ANKFY1: variants seen among roughly 807,000 people sequenced by gnomAD.
The protein encoded by ANKFY1 is ankyrin repeat and FYVE domain containing 1.
In ANKFY1, 47 loss-of-function variants were observed where a neutral mutation model predicts 128.3. That is an observed-to-expected ratio of 0.37 (90% CI 0.29 to 0.47). The LOEUF is 0.47. ANKFY1 is among the 20% of genes least tolerant of loss of function. The pLI is 1.00. For synonymous variants in ANKFY1, 553 were observed against 601.6 expected, an observed-to-expected ratio of 0.92 and a Z score of 1.18; for missense variants, 1,222 against 1,510.6, an observed-to-expected ratio of 0.81 and a Z score of 3.17.
chr17:4,236,170 C>T (rs958747622), intron 2 of ANKFY1, among the ~76,000 whole-genome samples: 3 of 152,066 alleles, frequency 2.0e-5, no homozygotes, highest in African/African-American at 7.2e-5. Flanking sequence ...GGTGGTGAAC[C>T]TACAAGTTAA....
At chr17:4,171,186 T>C (rs1456571435) in intron 22 of ANKFY1, among the ~76,000 whole-genome samples, 4 of 152,250 alleles carry the variant, frequency 2.6e-5, no homozygotes, top group African/African-American at 9.6e-5. Flanking sequence ...GGGAATCATC[T>C]ACTGTGGTCT....
At chr17:4,168,071 A>G (rs907251545) in intron 24 of ANKFY1, 160 bp from the exon 25 acceptor site, 1 of 706,770 alleles carries the variant, frequency 1.4e-6, no homozygotes, top group African/African-American at 1.8e-5. Flanking sequence ...ATTCATGTAG[A>G]ATTTTTAGTC....
chr17:4,232,398 C>A (rs750097756), intron 3 of ANKFY1, among the ~76,000 whole-genome samples: 1 of 152,142 alleles, frequency 6.6e-6, no homozygotes, highest in Non-Finnish European at 1.5e-5. Flanking sequence ...CAGGAACAGG[C>A]CCACACATGC....
At chr17:4,250,841 C>T (rs1023031888) in intron 1 of ANKFY1, among the ~76,000 whole-genome samples, 17 of 152,088 alleles carry the variant, frequency 1.1e-4, no homozygotes, top group Non-Finnish European at 1.9e-4. Context: ...CAGTATGGCG[C>T]CCAAGCTGGT....
intron 2 of ANKFY1, among the ~76,000 whole-genome samples, chr17:4,239,730 G>C (rs75773270): frequency 6.6e-6 from 1 of 151,934 alleles, no homozygotes; most frequent in Admixed American, 6.6e-5. Flanking sequence ...GTACAGACGG[G>C]GTTTCCTCAT....
intron 5 of ANKFY1, among the ~76,000 whole-genome samples, chr17:4,208,694 C>T (rs2060070210): frequency 6.6e-6 from 1 of 152,318 alleles, no homozygotes; most frequent in South Asian, 2.1e-4. Flanking sequence ...CCAAACAATT[C>T]GCAGAAACTA....
At chr17:4,252,790 G>A (rs773067669) in intron 1 of ANKFY1, among the ~76,000 whole-genome samples, 6 of 152,106 alleles carry the variant, frequency 3.9e-5, no homozygotes, top group African/African-American at 4.8e-5. Context: ...GGAAACAACC[G>A]GAATGTCCAG....
chr17:4,178,784 G>A lies in ANKFY1; in HGVS notation c.2598+73C>T. On this transcript the variant is annotated intron_variant, in intron 18 of 24. Transcript: ENST00000341657. This position sits in a 1 kb window ranked among gnomAD's most constrained non-coding sequence, Gnocchi z 4.1. ...TTCCATGAGGAGACCTGTTTAGTCG[G>A]TGACATCTGTCTAGTCTCCAGGTTC... 2.8e-6 allele frequency: 4 copies of A among 1,428,990 alleles called. No homozygotes were observed. Among genetic ancestry groups the A allele is most frequent in the Non-Finnish European group, 3.9e-6 (4 of 1,021,412 alleles). 88.5% of individuals were successfully genotyped at this position (1,428,990 alleles called of 1,614,324 possible).
intron 10 of ANKFY1, among the ~76,000 whole-genome samples, 199 bp from the exon 11 acceptor site, chr17:4,189,678 A>C (rs1364789723): frequency 2.6e-5 from 4 of 150,974 alleles, no homozygotes; most frequent in Non-Finnish European, 5.9e-5. Context: ...CCCACACCAG[A>C]CAGTAGGCCC....
intron 3 of ANKFY1, among the ~76,000 whole-genome samples, chr17:4,234,454 A>C (rs1192204226): frequency 2.0e-5 from 3 of 152,204 alleles, no homozygotes; most frequent in African/African-American, 7.2e-5. Flanking sequence ...CTACACAAAA[A>C]AATGTGACAT....
intron 11 of ANKFY1, among the ~76,000 whole-genome samples, chr17:4,189,090 C>T (rs971604769): frequency 1.3e-5 from 2 of 152,146 alleles, no homozygotes; most frequent in Admixed American, 6.5e-5. Context: ...GGTTTGTGCA[C>T]GCGTTTGCTA....
intron 1 of ANKFY1, chr17:4,263,537 CT>C (rs1272652451): frequency 1.3e-6 from 2 of 1,531,966 alleles, no homozygotes; most frequent in Non-Finnish European, 1.7e-6. Flanking sequence ...GGATGGACCC[CT>C]TCCGGATGCA....
At chr17:4,246,519 A>G (rs1567976038) in intron 1 of ANKFY1, among the ~76,000 whole-genome samples, 1 of 152,184 alleles carries the variant, frequency 6.6e-6, no homozygotes. Context: ...TATAGTATAT[A>G]CCACATCTTG....
intron 19 of ANKFY1, among the ~76,000 whole-genome samples, chr17:4,176,860 T>C (rs1263160014): frequency 1.3e-5 from 2 of 152,204 alleles, no homozygotes; most frequent in Non-Finnish European, 2.9e-5. Context: ...GGATCTCCAC[T>C]TCCTCGGTGC....
At chr17:4,217,571 G>A (rs2060241981) in intron 3 of ANKFY1, among the ~76,000 whole-genome samples, 1 of 152,132 alleles carries the variant, frequency 6.6e-6, no homozygotes, top group African/African-American at 2.4e-5. Context: ...TCAGCAGTCT[G>A]GGCAACATCT....
intron 3 of ANKFY1, among the ~76,000 whole-genome samples, chr17:4,225,142 G>A (rs1441599237): frequency 1.3e-5 from 2 of 151,904 alleles, no homozygotes; most frequent in African/African-American, 2.4e-5. Context: ...GATCACTTGA[G>A]GTCAGGAGTT....
chr17:4,258,361 C>CA (rs1027500204), intron 1 of ANKFY1, among the ~76,000 whole-genome samples: 3 of 151,858 alleles, frequency 2.0e-5, no homozygotes, highest in African/African-American at 7.3e-5. Context: ...TCATCTCTAC[C>CA]AAAAATACAA....
Position 4,222,562 on chromosome 17 carries a change from A to C in ANKFY1, c.323-5444T>G. 3.2e-6 allele frequency: 4 copies of C among 1,252,818 alleles called. No individual in the cohort carries two copies. In the Admixed American group the frequency reaches 7.0e-5, roughly 22 times the overall value. 77.6% of individuals were successfully genotyped at this position (1,252,818 alleles called of 1,614,324 possible). ...TCGGGTAGAGCTTTCCTGTACTGGC[A>C]AAGTAGATTCTGAAGTTATGATACT... is the stretch of plus-strand genomic sequence containing the variant. On this transcript the variant is annotated intron_variant, in intron 3 of 24. Transcript: ENST00000341657.
At chr17:4,257,279 GCTCT>G (rs1968178247) in intron 1 of ANKFY1, among the ~76,000 whole-genome samples, 1 of 152,136 alleles carries the variant, frequency 6.6e-6, no homozygotes, top group African/African-American at 2.4e-5. Flanking sequence ...GCTACAGCTT[GCTCT>G]CTGACTTCCT....
Sources: allele counts gnomAD v4.1 joint callset (sites outside exome capture counted in the v4.1 genomes callset), GRCh38; gene constraint gnomAD v4.1.1; non-coding constraint Gnocchi (gnomAD v3.1); transcripts MANE v1.5; gene names NCBI Gene and HGNC (gene_info 2026-07-23, HGNC 2026-07-21).